Variants in NAV2 observed in about 807,000 individuals in gnomAD.
NAV2 encodes helicase, APC down-regulated 1.
Under a neutral mutation model 223.2 loss-of-function variants are expected in NAV2, and 54 were observed. That is an observed-to-expected ratio of 0.24 (90% CI 0.19 to 0.30). The LOEUF (loss-of-function observed/expected upper bound fraction) is 0.30, where lower values mean the gene tolerates loss of function less well. Ranked by LOEUF, NAV2 falls within the 10% of genes least tolerant of loss-of-function variation. The pLI, the probability that NAV2 is intolerant of heterozygous loss-of-function variation, is 1.00. For missense variants in NAV2, 2,806 were observed against 3,147.5 expected, an observed-to-expected ratio of 0.89 and a Z score of 2.60; for synonymous variants, 1,279 against 1,239.3, an observed-to-expected ratio of 1.03 and a Z score of -0.67.
At chr11:19,985,560 T>G (rs1057468844) in intron 11 of NAV2, among the ~76,000 whole-genome samples, 51 of 135,634 alleles carry the variant, frequency 3.8e-4, no homozygotes, top group African/African-American at 7.4e-4. Flanking sequence ...GTTTTTTTTG[T>G]TTTTTTGTTG....
intron 11 of NAV2, chr11:20,023,080 G>T: frequency 1.3e-6 from 2 of 1,551,702 alleles, no homozygotes; most frequent in Middle Eastern, 3.3e-4. Context: ...TTTGTCCGCT[G>T]TTCTCCAAGG....
At position 19,590,321 on chromosome 11, in the gene NAV2, A is replaced by G. The variant is rs1231898053; in HGVS notation, c.75+239294A>G. Reference sequence around the variant, plus strand: ...CCTTAAACCTTGGAATCTTTCTCCTAACAGATTTGGAACTTCAGTGGGTGA... The same window carrying G: ...CCTTAAACCTTGGAATCTTTCTCCTGACAGATTTGGAACTTCAGTGGGTGA... On this transcript the variant is annotated intron_variant, in intron 1 of 37. Coordinates refer to the NAV2 transcript ENST00000360655. Among the ~76,000 whole-genome samples, 3 of 152,090 alleles carry G rather than the reference A, an allele frequency of 2.0e-5. No individual in the cohort carries two copies. In the East Asian group the frequency reaches 5.8e-4, roughly 29 times the overall value.
At chr11:20,089,897 T>G (rs1200340616) in intron 26 of NAV2, among the ~76,000 whole-genome samples, 1 of 152,212 alleles carries the variant, frequency 6.6e-6, no homozygotes, top group Non-Finnish European at 1.5e-5. Context: ...CATGGTGACC[T>G]TGACCTGGTG....
intron 3 of NAV2, 98 bp from the exon 4 acceptor site, chr11:19,868,827 G>A (rs1414338680): frequency 3.2e-5 from 40 of 1,258,352 alleles, no homozygotes; most frequent in Non-Finnish European, 4.2e-5. Context: ...TTCATCGGCC[G>A]TTTTTACAGC....
chr11:19,988,931 C>T (rs1160686086), intron 11 of NAV2, among the ~76,000 whole-genome samples: 1 of 152,168 alleles, frequency 6.6e-6, no homozygotes, highest in Admixed American at 6.5e-5. Flanking sequence ...GAGTTTAATC[C>T]AGGCCAGAGG....
chr11:19,761,910 A>G (rs1275345382), intron 1 of NAV2, among the ~76,000 whole-genome samples: 1 of 152,092 alleles, frequency 6.6e-6, no homozygotes, highest in Non-Finnish European at 1.5e-5. Context: ...GGTCTACTGA[A>G]CCTTGCCCAT....
chr11:19,490,201 G>A (rs1431663981), intron 1 of NAV2, among the ~76,000 whole-genome samples: 2 of 152,202 alleles, frequency 1.3e-5, no homozygotes, highest in Non-Finnish European at 2.9e-5. Context: ...GTTGATGGCT[G>A]CTGACTGATT....
At chr11:19,903,075 C>T (rs1368229789) in intron 6 of NAV2, among the ~76,000 whole-genome samples, 2 of 152,196 alleles carry the variant, frequency 1.3e-5, no homozygotes, top group Non-Finnish European at 2.9e-5. Flanking sequence ...TTCAGTGACT[C>T]TCGCAAATAA....
At chr11:19,446,107 G>T (rs1359690355) in intron 1 of NAV2, among the ~76,000 whole-genome samples, 1 of 152,132 alleles carries the variant, frequency 6.6e-6, no homozygotes, top group Non-Finnish European at 1.5e-5. Flanking sequence ...CTCATCTATA[G>T]AATTTCTTCA....
In NAV2 at chr11:20,093,181, G is replaced by C. The variant is rs927636276; in HGVS notation, c.5898G>C (p.Glu1966Asp). 3 of 1,613,602 alleles carry C rather than the reference G, an allele frequency of 1.9e-6. No individual in the cohort carries two copies. The African/African-American group carries it at 4.0e-5, about 22-fold the overall frequency. ...RHVKIVVSFQ[E>D]EMKWKEDSRP... is the part of the protein sequence containing the mutation. ...TTAAGATAGTTGTCAGCTTTCAGGA[G>C]GAAATGAAGTGGAAGGAGGTTAGTT... Residue 1966 changes from glutamate to aspartate, a missense_variant, in exon 29 of 38, where the codon GAG becomes GAC. Physicochemically the swap from Glu to Asp is conservative, Grantham distance 45 (BLOSUM62 2). Coordinates refer to ENST00000349880, the MANE Select transcript of NAV2 (RefSeq NM_145117.5).
intron 1 of NAV2, among the ~76,000 whole-genome samples, chr11:19,829,323 G>A (rs1379005082): frequency 6.6e-6 from 1 of 152,102 alleles, no homozygotes; most frequent in Non-Finnish European, 1.5e-5. Context: ...GCCGGTTTCT[G>A]ACTTGTTTTT....
intron 1 of NAV2, among the ~76,000 whole-genome samples, chr11:19,366,841 C>T (rs1461234051): frequency 6.6e-6 from 1 of 152,198 alleles, no homozygotes; most frequent in Non-Finnish European, 1.5e-5. Context: ...GCTGTCCCTT[C>T]CCCGTCCTCC....
intron 1 of NAV2, among the ~76,000 whole-genome samples, chr11:19,818,333 A>G (rs1042092725): frequency 7.3e-6 from 1 of 136,674 alleles, no homozygotes; most frequent in Non-Finnish European, 1.5e-5. Flanking sequence ...CCTGATAGGT[A>G]GTACTTGCCA....
intron 1 of NAV2, among the ~76,000 whole-genome samples, chr11:19,671,699 G>A (rs901028111): frequency 7.9e-5 from 12 of 152,304 alleles, no homozygotes; most frequent in South Asian, 4.1e-4. Flanking sequence ...TTGCACGGCC[G>A]TGTACTGTCT....
At chr11:19,440,387 T>C (rs1851357404) in intron 1 of NAV2, among the ~76,000 whole-genome samples, 1 of 151,922 alleles carries the variant, frequency 6.6e-6, no homozygotes, top group African/African-American at 2.4e-5. Flanking sequence ...TGAGTTGGAG[T>C]TAGGCAAAGG....
chr11:19,957,480 ATGT>A (rs2047974824), intron 10 of NAV2, among the ~76,000 whole-genome samples: 2 of 152,226 alleles, frequency 1.3e-5, no homozygotes, highest in South Asian at 4.2e-4. Flanking sequence ...CATGGTTGTG[ATGT>A]TGTCTGACAT....
intron 1 of NAV2, among the ~76,000 whole-genome samples, chr11:19,768,140 G>A (rs112970677): frequency 0.016 from 2,460 of 152,334 alleles, 72 homozygotes; most frequent in African/African-American, 0.056. Context: ...CATCCGGGAT[G>A]GGCGTCCTGC....
At chr11:19,515,629 G>C (rs2043422340) in intron 1 of NAV2, among the ~76,000 whole-genome samples, 1 of 152,108 alleles carries the variant, frequency 6.6e-6, no homozygotes, top group Non-Finnish European at 1.5e-5. Context: ...ATCTTAAATA[G>C]TTTGACAACC....
intron 1 of NAV2, among the ~76,000 whole-genome samples, chr11:19,455,964 C>T (rs1284964752): frequency 6.6e-6 from 1 of 152,246 alleles, no homozygotes; most frequent in African/African-American, 2.4e-5. Context: ...TGGCTAAAGC[C>T]TGACCGTGCA....
Sources: allele counts gnomAD v4.1 joint callset (sites outside exome capture counted in the v4.1 genomes callset), GRCh38; gene constraint gnomAD v4.1.1; transcripts MANE v1.5; gene names NCBI Gene and HGNC (gene_info 2026-07-23, HGNC 2026-07-21).